SFPQ: variants seen among roughly 807,000 people sequenced by gnomAD.
The protein encoded by SFPQ is splicing factor, proline- and glutamine-rich.
Under a neutral mutation model 72.9 loss-of-function variants are expected in SFPQ, and 11 were observed. That is an observed-to-expected ratio of 0.15 (90% CI 0.09 to 0.25). The LOEUF is 0.25. Ranked by LOEUF, SFPQ falls within the 10% of genes least tolerant of loss-of-function variation. The pLI is 1.00. For missense variants in SFPQ, 847 were observed against 993.3 expected, an observed-to-expected ratio of 0.85 and a Z score of 1.98; for synonymous variants, 506 against 367.3, an observed-to-expected ratio of 1.38 and a Z score of -4.32.
chr1:35,189,093 C>T lies in SFPQ; in HGVS notation c.1613-6G>A, dbSNP rs368985083. ...TTCCTGTCGTCTCATCAGATCTGAACATTGGAAAATATTTGGATTCACATT... is the reference window on the plus strand; with the variant it reads ...TTCCTGTCGTCTCATCAGATCTGAATATTGGAAAATATTTGGATTCACATT... On this transcript the variant is annotated splice_polypyrimidine_tract_variant and splice_region_variant and intron_variant, in intron 5 of 9. Coordinates refer to ENST00000357214, the MANE Select transcript of SFPQ (RefSeq NM_005066.3). 6.2e-7 allele frequency: 1 copy of T among 1,613,446 alleles called. No individual in the cohort carries two copies.
In SFPQ at chr1:35,189,391, A is replaced by G. The variant is rs1639883450; in HGVS notation, c.1416-9T>C. 4 of 1,608,552 alleles carry G rather than the reference A, an allele frequency of 2.5e-6. No homozygotes were observed. Among genetic ancestry groups the G allele is most frequent in the Non-Finnish European group, 3.4e-6 (4 of 1,176,236 alleles). On this transcript the variant is annotated splice_polypyrimidine_tract_variant and intron_variant, in intron 4 of 9. Transcript: ENST00000357214. ...GAGGGGTTTCTCTCTCCCTAACAAT[A>G]CACAAAATTTTAACATGAACCGATT...
chr1:35,176,664 TC>T (rs956511822), intron 5 of SFPQ, among the ~76,000 whole-genome samples: 10 of 146,754 alleles, frequency 6.8e-5, no homozygotes, highest in African/African-American at 2.5e-4. Flanking sequence ...GGTCAGGAGA[TC>T]AAGACCACCC....
downstream of SFPQ, chr1:35,179,259 C>T: frequency 1.9e-6 from 2 of 1,061,042 alleles, no homozygotes; most frequent in Non-Finnish European, 2.3e-6. Context: ...CATGCAACCC[C>T]CATTAAGGTT....
At position 35,183,747 on chromosome 1, in the gene SFPQ, G is replaced by T. The variant is rs1158807511; in HGVS notation, c.*709C>A. 9.5e-7 allele frequency: 1 copy of T among 1,050,820 alleles called. No homozygotes were observed. Among genetic ancestry groups the T allele is most frequent in the Non-Finnish European group, 1.1e-6 (1 of 869,882 alleles). 65.1% of individuals were successfully genotyped at this position (1,050,820 alleles called of 1,614,324 possible). On this transcript the variant is annotated 3_prime_UTR_variant, in exon 10 of 10. Transcript: ENST00000357214. ...TTCAAAAGCTTTCAAGTAAAGGATA[G>T]ATCATAGGGCCATAAAAGATCCATT...
rs1185619340 is a variant in SFPQ, at chr1:35,192,755, G to A, written c.295C>T (p.Pro99Ser). 8.1e-6 allele frequency: 12 copies of A among 1,488,942 alleles called. No individual in the cohort carries two copies. Among genetic ancestry groups the A allele is most frequent in the Non-Finnish European group, 1.1e-5 (12 of 1,125,276 alleles). The allele number at this position is 1,488,942 out of a possible 1,614,324, so 92.2% of individuals were successfully genotyped here. ...GAAGAGTCCTGCGGCGGTGGCGGCG[G>A]CTGCTGCTGCTGATGCGGCTGTGGA... ...PHPQPHQQQQPPPPPQDSSKP... is the reference protein window; with the variant it reads ...PHPQPHQQQQSPPPPQDSSKP... Residue 99 changes from proline to serine, a missense_variant, in exon 1 of 10, where the codon CCG becomes TCG. Pro to Ser is a moderately conservative substitution (Grantham distance 74). Around this residue, in one of 6 missense-constraint regions of SFPQ, gnomAD observed 498 missense variants for 405.1 expected, o/e 1.23. Coordinates refer to ENST00000357214, the MANE Select transcript of SFPQ (RefSeq NM_005066.3).
At chr1:35,176,451 C>T (rs1378829561) in exon 6 of SFPQ, 1 of 152,096 alleles carries the variant, frequency 6.6e-6, no homozygotes. Context: ...CGTTGGTTTT[C>T]TGGACACAGC....
chr1:35,183,393 A>T lies in SFPQ; in HGVS notation c.*1063T>A, dbSNP rs190933972. 5.6e-3 allele frequency: 1,696 copies of T among 304,004 alleles called. 22 individuals are homozygous for T. Among genetic ancestry groups the T allele is most frequent in the African/African-American group, 0.036 (1,607 of 44,320 alleles). The allele number at this position is 304,004 out of a possible 1,614,324, so 18.8% of individuals were successfully genotyped here. A position where few individuals can be genotyped will look rare whatever the true frequency, so the allele number is the denominator to read the frequency against. On this transcript the variant is annotated 3_prime_UTR_variant, in exon 10 of 10. Coordinates refer to ENST00000357214, the MANE Select transcript of SFPQ (RefSeq NM_005066.3). ...CCACCACGCCCAGCTAATTTTTTGTATTTTTAGTAGAGACGGGGTTTCACC... is the reference window on the plus strand; with the variant it reads ...CCACCACGCCCAGCTAATTTTTTGTTTTTTTAGTAGAGACGGGGTTTCACC...
At chr1:35,179,000 C>CATT, downstream of SFPQ, 1 of 1,056,648 alleles carries the variant, frequency 9.5e-7, no homozygotes, top group Non-Finnish European at 1.1e-6. Flanking sequence ...AATTGCCAAT[C>CATT]ATTATCTAGC....
downstream of SFPQ, chr1:35,178,304 C>A: frequency 9.2e-7 from 1 of 1,090,708 alleles, no homozygotes; most frequent in East Asian, 5.1e-5. Context: ...CCAGTCTGAG[C>A]ACAAGTTTGA....
chr1:35,183,912 C>A lies in SFPQ; in HGVS notation c.*544G>T. On this transcript the variant is annotated 3_prime_UTR_variant, in exon 10 of 10. Coordinates refer to ENST00000357214, the MANE Select transcript of SFPQ (RefSeq NM_005066.3). ...TTAGCACCAGCGTGCTTCCTATATG[C>A]CAAACAAATCATCAAACTACTTCAA... The A allele has an allele frequency of 9.5e-7, 1 of 1,050,894 alleles. No homozygotes were observed. The highest frequency in any genetic ancestry group is 1.1e-6 in the Non-Finnish European group (1 of 870,072). The allele number at this position is 1,050,894 out of a possible 1,614,324, so 65.1% of individuals were successfully genotyped here.
Position 35,193,060 on chromosome 1 carries a change from A to G in SFPQ, c.-11T>C. On this transcript the variant is annotated 5_prime_UTR_variant, in exon 1 of 10. Transcript: ENST00000357214. ...CCGATCCCGAGACATGTCTGTGGTCAAGGGGCGGTCGAGGCAAAAGCGAAG... is the reference window on the plus strand; with the variant it reads ...CCGATCCCGAGACATGTCTGTGGTCGAGGGGCGGTCGAGGCAAAAGCGAAG... The G allele has an allele frequency of 2.6e-6, 4 of 1,550,986 alleles. No individual in the cohort carries two copies. Among genetic ancestry groups the G allele is most frequent in the Non-Finnish European group, 3.5e-6 (4 of 1,158,432 alleles).
downstream of SFPQ, chr1:35,180,830 C>A: frequency 1.0e-6 from 1 of 985,422 alleles, no homozygotes; most frequent in Non-Finnish European, 1.2e-6. Flanking sequence ...CCCTCTCCCC[C>A]ACACCACTGA....
intron 4 of SFPQ, chr1:35,177,842 C>A: frequency 4.3e-6 from 1 of 232,202 alleles, no homozygotes; most frequent in Non-Finnish European, 7.8e-6. Context: ...TCACATACAT[C>A]CCTAATTTCC....
chr1:35,181,487 T>C (rs903191434), downstream of SFPQ: 2 of 1,063,640 alleles, frequency 1.9e-6, no homozygotes, highest in African/African-American at 1.6e-5. Flanking sequence ...GTGGGGTTTG[T>C]AGTACTTCTT....
Position 35,192,866 on chromosome 1 carries a change from G to T in SFPQ, c.184C>A (p.Pro62Thr). The T allele has an allele frequency of 6.5e-7, 1 of 1,535,536 alleles. No homozygotes were observed. Among genetic ancestry groups the T allele is most frequent in the Non-Finnish European group, 8.7e-7 (1 of 1,149,814 alleles). ...GQSGPKPPIP[P>T]PPPHQQQQQP... ...TGCTGCTGTTGGTGTGGAGGCGGTG[G>T]CGGGATCGGAGGCTTAGGGCCGCTC... The change falls in exon 1 of 10, where the codon CCA becomes ACA. Residue 62 changes from proline (P) to threonine (T), a missense_variant. Around this residue, in one of 6 missense-constraint regions of SFPQ, gnomAD observed 498 missense variants for 405.1 expected, o/e 1.23. Coordinates refer to ENST00000357214, the MANE Select transcript of SFPQ (RefSeq NM_005066.3).
Position 35,191,504 on chromosome 1 carries a change from A to G in SFPQ, c.854T>C (p.Leu285Ser). The G allele has an allele frequency of 1.2e-6, 2 of 1,613,144 alleles. No homozygotes were observed. Among genetic ancestry groups the G allele is most frequent in the South Asian group, 1.1e-5 (1 of 90,916 alleles). The change falls in exon 2 of 10, where the codon TTG becomes TCG. Residue 285 changes from leucine to serine, a missense_variant. Transcript: ENST00000357214. ...SEGFKANLSL[L>S]RRPGEKTYTQ... ...GTAAGTTTTCTCTCCAGGCCTCCTC[A>G]AGAGAGACAAATTGGCTTTAAACCC...
chr1:35,182,690 G>A (rs1164387878), downstream of SFPQ: 1 of 985,252 alleles, frequency 1.0e-6, no homozygotes, highest in African/African-American at 1.7e-5. Flanking sequence ...AAAGGAGGAA[G>A]ACACATTCCA....
In SFPQ at chr1:35,183,781, C is replaced by T; in HGVS notation, c.*675G>A. The T allele has an allele frequency of 9.5e-7, 1 of 1,053,840 alleles. No individual in the cohort carries two copies. Among genetic ancestry groups the T allele is most frequent in the African/African-American group, 1.7e-5 (1 of 60,552 alleles). The allele number at this position is 1,053,840 out of a possible 1,614,324, so 65.3% of individuals were successfully genotyped here. On this transcript the variant is annotated 3_prime_UTR_variant, in exon 10 of 10. Transcript: ENST00000357214. ...GCCATAAAAGATCCATTTAATCAAA[C>T]CCACTTTCACCCCCTACCAATTGTC...
At chr1:35,178,068 A>T, downstream of SFPQ, 1 of 1,272,770 alleles carries the variant, frequency 7.9e-7, no homozygotes, top group Non-Finnish European at 1.0e-6. Flanking sequence ...TTAATATAAA[A>T]GACAAGGGTA....
Sources: allele counts gnomAD v4.1 joint callset (sites outside exome capture counted in the v4.1 genomes callset), GRCh38; gene constraint gnomAD v4.1.1; regional missense constraint gnomAD v4.1.1; transcripts MANE v1.5; gene names NCBI Gene and HGNC (gene_info 2026-07-23, HGNC 2026-07-21).